RBFOX1: variants seen among roughly 807,000 people sequenced by gnomAD.
RBFOX1 encodes the protein RNA binding fox-1 homolog 1.
In RBFOX1, 8 loss-of-function variants were observed where a neutral mutation model predicts 57.7. That is an observed-to-expected ratio of 0.14 (90% CI 0.08 to 0.25). The LOEUF (loss-of-function observed/expected upper bound fraction) is 0.25, where lower values mean the gene tolerates loss of function less well. Among genes scored for constraint, RBFOX1 ranks in the 10% least tolerant of loss-of-function variants. The probability of loss-of-function intolerance (pLI) is 1.00; values close to 1 mark genes in which losing one functional copy is unlikely to be tolerated. For missense variants in RBFOX1, 611 were observed against 548.5 expected, an observed-to-expected ratio of 1.11 and a Z score of -1.14; for synonymous variants, 326 against 222.4, an observed-to-expected ratio of 1.47 and a Z score of -4.15.
At chr16:6,715,272 T>A (rs1157724275) in intron 3 of RBFOX1, among the ~76,000 whole-genome samples, 2 of 152,100 alleles carry the variant, frequency 1.3e-5, no homozygotes, top group African/African-American at 2.4e-5. Context: ...TAAAGTTTTT[T>A]TTTTTTCTTT....
chr16:5,788,678 G>T (rs1185183898), intron 3 of RBFOX1, among the ~76,000 whole-genome samples: 1 of 152,044 alleles, frequency 6.6e-6, no homozygotes. Context: ...AAAGAGCAAA[G>T]ATAGGCCTTA....
chr16:7,410,446 C>G (rs544323437), intron 4 of RBFOX1, among the ~76,000 whole-genome samples: 1 of 152,158 alleles, frequency 6.6e-6, no homozygotes, highest in African/African-American at 2.4e-5. Context: ...CTTTGGGAGG[C>G]CAAGGTGGGT....
intron 4 of RBFOX1, among the ~76,000 whole-genome samples, chr16:7,498,156 A>G (rs1041217937): frequency 6.6e-6 from 1 of 152,156 alleles, no homozygotes; most frequent in Non-Finnish European, 1.5e-5. Flanking sequence ...AAGAATAACA[A>G]AGGTGGCGTG....
intron 1 of RBFOX1, among the ~76,000 whole-genome samples, chr16:6,237,526 G>A (rs116976330): frequency 0.033 from 5,093 of 152,162 alleles, 128 homozygotes; most frequent in Non-Finnish European, 0.051. Context: ...GGTGGATTAC[G>A]AGGTCAGGAG....
intron 3 of RBFOX1, among the ~76,000 whole-genome samples, chr16:6,938,795 G>A (rs1162214756): frequency 1.3e-5 from 2 of 152,136 alleles, no homozygotes; most frequent in African/African-American, 4.8e-5. Flanking sequence ...AGCTGGGTGT[G>A]GTGGGTTGTG....
chr16:7,427,738 C>A (rs920245155), intron 4 of RBFOX1, among the ~76,000 whole-genome samples: 2 of 151,864 alleles, frequency 1.3e-5, no homozygotes, highest in African/African-American at 4.8e-5. Context: ...ACTGCAAACT[C>A]CACCTCCCGG....
intron 1 of RBFOX1, chr16:5,289,355 GA>G: frequency 4.9e-6 from 2 of 405,816 alleles, no homozygotes; most frequent in South Asian, 3.2e-5. Flanking sequence ...GGAGGAGGAG[GA>G]GGGCCCATCA....
chr16:5,990,803 A>G (rs754154748), intron 4 of RBFOX1, among the ~76,000 whole-genome samples: 4 of 152,154 alleles, frequency 2.6e-5, no homozygotes, highest in Non-Finnish European at 5.9e-5. Flanking sequence ...AGGAAAATCC[A>G]TCTCTACTAA....
At chr16:5,923,664 C>A (rs1031914885) in intron 4 of RBFOX1, among the ~76,000 whole-genome samples, 1 of 151,696 alleles carries the variant, frequency 6.6e-6, no homozygotes, top group African/African-American at 2.4e-5. Context: ...GCCTTAACCT[C>A]CCAAATAGCT....
chr16:7,689,833 G>T (rs1337116879), intron 14 of RBFOX1, among the ~76,000 whole-genome samples: 1 of 152,066 alleles, frequency 6.6e-6, no homozygotes, highest in East Asian at 1.9e-4. Flanking sequence ...CCACTGTAGA[G>T]CAGTTTCTCT....
chr16:7,396,706 G>A (rs555050140), intron 4 of RBFOX1, among the ~76,000 whole-genome samples: 3 of 152,210 alleles, frequency 2.0e-5, no homozygotes, highest in East Asian at 1.9e-4. Context: ...TTGGGAGGCT[G>A]AGGTGGGTGG....
At chr16:6,917,155 A>C (rs1224964896) in intron 3 of RBFOX1, among the ~76,000 whole-genome samples, 2 of 152,106 alleles carry the variant, frequency 1.3e-5, no homozygotes, top group Non-Finnish European at 2.9e-5. Flanking sequence ...CCAGCCTGCA[A>C]ATGATTTTGT....
intron 2 of RBFOX1, among the ~76,000 whole-genome samples, chr16:6,643,181 T>C (rs560915386): frequency 8.5e-5 from 13 of 152,288 alleles, no homozygotes; most frequent in African/African-American, 3.1e-4. Flanking sequence ...ACAGAAAGAT[T>C]GAGAAATTTA....
chr16:6,980,925 C>T (rs79005115), intron 3 of RBFOX1, among the ~76,000 whole-genome samples: 3,751 of 150,728 alleles, frequency 0.025, 162 homozygotes, highest in African/African-American at 0.087. Flanking sequence ...TGCTTGTAAT[C>T]CCAATTAATC....
chr16:5,898,507 A>G (rs1239657481), intron 4 of RBFOX1, among the ~76,000 whole-genome samples: 1 of 150,240 alleles, frequency 6.7e-6, no homozygotes, highest in Non-Finnish European at 1.5e-5. Flanking sequence ...GATGATAATA[A>G]TAAGCAACAG....
intron 4 of RBFOX1, among the ~76,000 whole-genome samples, chr16:7,429,342 C>T (rs568718984): frequency 1.3e-5 from 2 of 152,208 alleles, no homozygotes; most frequent in Non-Finnish European, 2.9e-5. Context: ...CTCCTTCCCT[C>T]ACCCCCTTTT....
intron 2 of RBFOX1, among the ~76,000 whole-genome samples, chr16:6,634,559 G>A (rs2098415820): frequency 6.8e-6 from 1 of 146,090 alleles, no homozygotes; most frequent in African/African-American, 2.5e-5. Flanking sequence ...AAATATAAAA[G>A]TATATTACAT....
intron 2 of RBFOX1, among the ~76,000 whole-genome samples, chr16:6,550,144 C>G (rs548091709): frequency 1.3e-5 from 2 of 152,108 alleles, no homozygotes; most frequent in African/African-American, 4.8e-5. Flanking sequence ...CCTCCCCTCT[C>G]TCTATCTCTC....
At chr16:7,238,966 A>G (rs980846377) in intron 4 of RBFOX1, among the ~76,000 whole-genome samples, 1 of 152,182 alleles carries the variant, frequency 6.6e-6, no homozygotes. Flanking sequence ...TGCAAAGGAC[A>G]TGATCTTGTT....
Sources: allele counts gnomAD v4.1 joint callset (sites outside exome capture counted in the v4.1 genomes callset), GRCh38; gene constraint gnomAD v4.1.1; transcripts MANE v1.5; gene names NCBI Gene and HGNC (gene_info 2026-07-23, HGNC 2026-07-21).